The following NEGR1 variants were observed in gnomAD, a reference collection of about 807,000 sequenced individuals.
NEGR1 encodes the protein IgLON family member 4.
Under a neutral mutation model 40.9 loss-of-function variants are expected in NEGR1, and 10 were observed. The ratio of observed to expected loss-of-function variants is 0.24; its 90% CI spans 0.15 to 0.42. The LOEUF (loss-of-function observed/expected upper bound fraction) is 0.42, where lower values mean the gene tolerates loss of function less well. Ranked by LOEUF, NEGR1 falls within the 10% of genes least tolerant of loss-of-function variation. The pLI, the probability that NEGR1 is intolerant of heterozygous loss-of-function variation, is 1.00. For synonymous variants in NEGR1, 185 were observed against 166.8 expected (o/e 1.11, Z -0.84); for missense variants, 352 against 438.9 (o/e 0.80, Z 1.77).
chr1:72,156,158 T>A (rs1651349195), intron 1 of NEGR1, among the ~76,000 whole-genome samples: 1 of 152,162 alleles, frequency 6.6e-6, no homozygotes, highest in South Asian at 2.1e-4. Context: ...AGTAAAATAT[T>A]TTAGAAATTT....
At chr1:72,265,783 T>C (rs539318578) in intron 1 of NEGR1, among the ~76,000 whole-genome samples, 16 of 151,026 alleles carry the variant, frequency 1.1e-4, no homozygotes, top group Non-Finnish European at 2.2e-4. Flanking sequence ...ATACAAATCA[T>C]AGGACTGTCA....
At chr1:71,650,820 G>A (rs1651687830) in intron 4 of NEGR1, among the ~76,000 whole-genome samples, 2 of 152,138 alleles carry the variant, frequency 1.3e-5, no homozygotes, top group South Asian at 4.1e-4. Flanking sequence ...GCTATATGGA[G>A]ATCTTATTTT....
chr1:72,185,353 A>G (rs1652573771), intron 1 of NEGR1, among the ~76,000 whole-genome samples: 1 of 151,968 alleles, frequency 6.6e-6, no homozygotes, highest in South Asian at 2.1e-4. Context: ...AAGACTGTGC[A>G]TAATAGTTCA....
At chr1:71,908,363 G>A (rs537774517) in intron 2 of NEGR1, among the ~76,000 whole-genome samples, 1 of 152,130 alleles carries the variant, frequency 6.6e-6, no homozygotes, top group South Asian at 2.1e-4. Context: ...CTGGATTATG[G>A]CAATGTCTGA....
intron 3 of NEGR1, among the ~76,000 whole-genome samples, chr1:71,765,478 G>C (rs1656089218): frequency 6.6e-6 from 1 of 151,780 alleles, no homozygotes; most frequent in African/African-American, 2.4e-5. Flanking sequence ...GATTTTAATG[G>C]TTCCAATTTT....
intron 6 of NEGR1, among the ~76,000 whole-genome samples, chr1:71,469,841 C>A (rs1646770272): frequency 6.6e-6 from 1 of 152,080 alleles, no homozygotes; most frequent in Admixed American, 6.6e-5. Flanking sequence ...TCAGTAATCA[C>A]TGTATACAAA....
intron 2 of NEGR1, among the ~76,000 whole-genome samples, chr1:71,813,284 G>C (rs1658070805): frequency 6.6e-6 from 1 of 151,990 alleles, no homozygotes; most frequent in Non-Finnish European, 1.5e-5. Context: ...CTGTTCCATT[G>C]GTCTATGTGT....
intron 5 of NEGR1, among the ~76,000 whole-genome samples, chr1:71,606,411 C>T (rs546673687): frequency 1.2e-4 from 19 of 152,258 alleles, no homozygotes; most frequent in Admixed American, 2.0e-4. Context: ...ATGAGAGACC[C>T]GGAGTGATAA....
At chr1:71,721,791 T>C (rs1029405530) in intron 3 of NEGR1, among the ~76,000 whole-genome samples, 4 of 152,284 alleles carry the variant, frequency 2.6e-5, no homozygotes, top group African/African-American at 7.2e-5. Flanking sequence ...TACTGCCTGC[T>C]CACTGGATGA....
At chr1:71,913,219 G>A (rs1369601790) in intron 2 of NEGR1, among the ~76,000 whole-genome samples, 1 of 152,254 alleles carries the variant, frequency 6.6e-6, no homozygotes, top group East Asian at 1.9e-4. Context: ...GGGTTCAAGT[G>A]AGTCTCCTGC....
At chr1:71,508,873 A>G (rs1647053561) in intron 6 of NEGR1, among the ~76,000 whole-genome samples, 1 of 152,198 alleles carries the variant, frequency 6.6e-6, no homozygotes, top group African/African-American at 2.4e-5. Context: ...ATTCTAAACC[A>G]AGAACCAAAA....
At chr1:71,421,057 T>C (rs1241630378) in intron 6 of NEGR1, among the ~76,000 whole-genome samples, 1 of 152,030 alleles carries the variant, frequency 6.6e-6, no homozygotes, top group East Asian at 1.9e-4. Context: ...CTTCACATCT[T>C]TCATAATGTG....
intron 6 of NEGR1, among the ~76,000 whole-genome samples, chr1:71,472,884 T>C (rs897102525): frequency 2.0e-5 from 3 of 151,956 alleles, no homozygotes; most frequent in Non-Finnish European, 4.4e-5. Context: ...AAATATACAA[T>C]AATTGGATGT....
intron 6 of NEGR1, among the ~76,000 whole-genome samples, chr1:71,540,475 T>C (rs1345875798): frequency 1.3e-5 from 2 of 151,788 alleles, no homozygotes; most frequent in African/African-American, 4.8e-5. Context: ...TTCCAGTTCT[T>C]CCTCATGTAT....
intron 1 of NEGR1, among the ~76,000 whole-genome samples, chr1:72,054,597 A>G (rs560128860): frequency 6.6e-6 from 1 of 151,352 alleles, no homozygotes; most frequent in East Asian, 1.9e-4. Flanking sequence ...TTGATGACAG[A>G]CTTATTTTGT....
chr1:71,564,257 G>A (rs1036700042), intron 6 of NEGR1, among the ~76,000 whole-genome samples: 1 of 151,920 alleles, frequency 6.6e-6, no homozygotes, highest in African/African-American at 2.4e-5. Flanking sequence ...GGGAATGCAC[G>A]TATGTTATTT....
At chr1:72,114,317 G>C (rs551140321) in intron 1 of NEGR1, among the ~76,000 whole-genome samples, 3 of 151,654 alleles carry the variant, frequency 2.0e-5, no homozygotes, top group African/African-American at 7.2e-5. Flanking sequence ...CCTCTGCCCA[G>C]CCCAAGCAAG....
At chr1:71,813,742 A>T (rs182314999) in intron 2 of NEGR1, among the ~76,000 whole-genome samples, 8 of 151,946 alleles carry the variant, frequency 5.3e-5, no homozygotes, top group Non-Finnish European at 1.0e-4. Context: ...CTTGTCTATT[A>T]TTGGTGTATA....
chr1:71,621,441 A>G (rs1650605771), intron 4 of NEGR1, among the ~76,000 whole-genome samples: 1 of 151,884 alleles, frequency 6.6e-6, no homozygotes, highest in African/African-American at 2.4e-5. Context: ...GTTACATTAA[A>G]CATATTGATG....
Sources: allele counts gnomAD v4.1 joint callset (sites outside exome capture counted in the v4.1 genomes callset), GRCh38; gene constraint gnomAD v4.1.1; transcripts MANE v1.5; gene names NCBI Gene and HGNC (gene_info 2026-07-23, HGNC 2026-07-21).